The following POLR3A variants were observed in gnomAD, a reference collection of about 807,000 sequenced individuals.
The protein encoded by POLR3A is RNA polymerase III subunit A.
POLR3A carries 112 observed loss-of-function variants against 152.8 expected under a neutral mutation model. The observed-to-expected ratio is 0.73, with a 90% CI of 0.63 to 0.86. The LOEUF (loss-of-function observed/expected upper bound fraction) is 0.86, where lower values mean the gene tolerates loss of function less well. POLR3A is among the 40% of genes least tolerant of loss of function. POLR3A has a pLI of 0.00. For synonymous variants in POLR3A, 615 were observed against 652.1 expected, an observed-to-expected ratio of 0.94 and a Z score of 0.87; for missense variants, 1,385 against 1,743.1, an observed-to-expected ratio of 0.79 and a Z score of 3.66.
chr10:77,991,921 C>T (rs1407089023), intron 20 of POLR3A, among the ~76,000 whole-genome samples: 1 of 152,196 alleles, frequency 6.6e-6, no homozygotes. Context: ...TGTATTTGAA[C>T]TATCCTCTAC....
chr10:77,991,021 T>C, intron 21 of POLR3A, 33 bp downstream of exon 21: 1 of 1,196,458 alleles, frequency 8.4e-7, no homozygotes, highest in Non-Finnish European at 1.2e-6. Flanking sequence ...ACAGCCAGGC[T>C]GGGTGCAGTA....
Position 78,010,536 on chromosome 10 carries a change from T to C in POLR3A, c.1577A>G (p.Lys526Arg). The change falls in exon 12 of 31, where the codon AAA (lysine) becomes AGA (arginine). Residue 526 changes from lysine (K) to arginine (R), a missense_variant. Physicochemically the swap from Lys to Arg is conservative, Grantham distance 26. Around this residue, in one of 7 missense-constraint regions of POLR3A, gnomAD observed 188 missense variants for 179.9 expected, o/e 1.04. Transcript: ENST00000372371. ...KAEALVLMGT[K>R]ANLVTPRNGE... ...ATTCCTCGGGGTTACAAGATTTGCT[T>C]TAGTCTGTAGGAAAAGTAAGCGCAG... 6.2e-7 allele frequency: 1 copy of C among 1,613,724 alleles called. No homozygotes were observed. The highest frequency in any genetic ancestry group is 8.5e-7 in the Non-Finnish European group (1 of 1,179,630).
At chr10:77,997,746 C>T (rs12244708) in intron 19 of POLR3A, among the ~76,000 whole-genome samples, 18,430 of 150,574 alleles carry the variant, frequency 0.12, 2,227 homozygotes, top group African/African-American at 0.3. Context: ...AATTTATAGA[C>T]TCAATGCCAT....
intron 21 of POLR3A, among the ~76,000 whole-genome samples, chr10:77,988,820 TG>T (rs902477812): frequency 1.3e-5 from 2 of 152,196 alleles, no homozygotes; most frequent in Non-Finnish European, 2.9e-5. Context: ...AAAGCCCTCT[TG>T]GCCCAGATGT....
At chr10:77,999,523 G>A (rs1847334989) in intron 19 of POLR3A, among the ~76,000 whole-genome samples, 1 of 152,152 alleles carries the variant, frequency 6.6e-6, no homozygotes, top group Admixed American at 6.5e-5. Flanking sequence ...TACACTCTCT[G>A]AGGAAATGCT....
intron 5 of POLR3A, 80 bp downstream of exon 5, chr10:78,024,469 G>A (rs1284782227): frequency 1.6e-5 from 23 of 1,467,058 alleles, no homozygotes; most frequent in Non-Finnish European, 2.2e-5. Context: ...GGGCGGAGTT[G>A]GGGGAGAGAG....
chr10:77,982,118 C>G lies in POLR3A; in HGVS notation c.3759+36G>C, dbSNP rs145084873. 32,471 of 1,597,686 alleles carry G rather than the reference C, an allele frequency of 0.02. 428 individuals carry two copies. The highest frequency in any genetic ancestry group is 0.023 in the Non-Finnish European group (26,583 of 1,167,924). ...CCTGCAGATGGCACAAGGAAGACAGCCTAACCCTAAGGCGACCCCGTGGGC... is the reference window on the plus strand; with the variant it reads ...CCTGCAGATGGCACAAGGAAGACAGGCTAACCCTAAGGCGACCCCGTGGGC... On this transcript the variant is annotated intron_variant, in intron 28 of 30. Coordinates refer to ENST00000372371, the MANE Select transcript of POLR3A (RefSeq NM_007055.4).
chr10:77,999,881 A>G, intron 19 of POLR3A, 100 bp downstream of exon 19: 7 of 1,177,476 alleles, frequency 5.9e-6, no homozygotes, highest in Non-Finnish European at 7.6e-6. Context: ...ACCCAAGACT[A>G]GATAAATTAC....
chr10:77,988,166 GGCCCACGGAGGGTGACCCT>G (rs1481737994), intron 21 of POLR3A, among the ~76,000 whole-genome samples: 2 of 152,166 alleles, frequency 1.3e-5, no homozygotes, highest in African/African-American at 4.8e-5. Flanking sequence ...AAAGTGCAGA[GGCCCACGGAGGGTGACCCT>G]GCAGCCCAAT....
rs141508352 is a variant in POLR3A, at chr10:78,002,583, G to A, written c.2248-275C>T. The stretch of plus-strand genomic sequence containing the variant: ...ATCTCACTCTGTTGCTGAGGTTGGT[G>A]TACAATGGCATAATCACAGCTCACT... On this transcript the variant is annotated intron_variant, in intron 16 of 30. Transcript: ENST00000372371. Among the ~76,000 whole-genome samples the A allele has an allele frequency of 6.0e-3, 917 of 152,222 alleles. 9 individuals are homozygous for A. Among genetic ancestry groups the A allele is most frequent in the African/African-American group, 0.021 (880 of 41,548 alleles).
intron 20 of POLR3A, among the ~76,000 whole-genome samples, chr10:77,992,608 A>G (rs762359134): frequency 2.0e-4 from 30 of 151,446 alleles, no homozygotes; most frequent in Non-Finnish European, 4.1e-4. Context: ...ACACCCAGCT[A>G]ATTTTTGTAT....
rs1028376384 is a variant in POLR3A, at chr10:78,029,513, T to C, written c.-106A>G. 3.6e-6 allele frequency: 4 copies of C among 1,105,334 alleles called. No homozygotes were observed. Among genetic ancestry groups the C allele is most frequent in the Admixed American group, 3.6e-5 (2 of 55,262 alleles). 68.5% of individuals were successfully genotyped at this position (1,105,334 alleles called of 1,614,324 possible). A position where few individuals can be genotyped will look rare whatever the true frequency, so the allele number is the denominator to read the frequency against. The stretch of plus-strand genomic sequence containing the variant: ...CTTCTGGACTCGCCGCTAACACATC[T>C]GCGGCATCCTCTCGGCCACCGTAGA... On this transcript the variant is annotated 5_prime_UTR_variant, in exon 1 of 31. Transcript: ENST00000372371.
At position 77,983,982 on chromosome 10, in the gene POLR3A, G is replaced by T; in HGVS notation, c.3367C>A (p.Pro1123Thr). 1 of 1,612,258 alleles carries T rather than the reference G, an allele frequency of 6.2e-7. No homozygotes were observed. The highest frequency in any genetic ancestry group is 1.1e-5 in the South Asian group (1 of 91,018). The change falls in exon 26 of 31, where the codon CCT becomes ACT. Residue 1123 changes from proline to threonine, a missense_variant. Physicochemically the swap from Pro to Thr is conservative, Grantham distance 38 (BLOSUM62 -1). Around this residue, in one of 7 missense-constraint regions of POLR3A, gnomAD observed 332 missense variants for 400.1 expected, o/e 0.83. Transcript: ENST00000372371. ...TTGACGAGAATAAAGCAGTCATCAG[G>T]AAGAAACACTTCTTCAATATACTCG... ...ISEYIEEVFLPDDCFILVKLS... is the reference protein window; with the variant it reads ...ISEYIEEVFLTDDCFILVKLS...
chr10:77,985,157 T>G lies in POLR3A; in HGVS notation c.3242+13A>C. ...AGGCATGTGTGGAACAAGAAGGAAA[T>G]GAAAGCAGGCACCTGATGGCCTTGG... On this transcript the variant is annotated intron_variant, in intron 24 of 30. Coordinates refer to ENST00000372371, the MANE Select transcript of POLR3A (RefSeq NM_007055.4). 1 of 1,610,550 alleles carries G rather than the reference T, an allele frequency of 6.2e-7. No individual in the cohort carries two copies. Among genetic ancestry groups the G allele is most frequent in the South Asian group, 1.1e-5 (1 of 91,004 alleles).
At chr10:77,996,687 A>G (rs998142321) in intron 19 of POLR3A, among the ~76,000 whole-genome samples, 1 of 152,102 alleles carries the variant, frequency 6.6e-6, no homozygotes, top group Admixed American at 6.5e-5. Flanking sequence ...ACCAACCAAA[A>G]AAAGTCCAGG....
rs377422180 is a variant in POLR3A, at chr10:78,029,354, T to C, written c.44+10A>G. 4 of 1,613,912 alleles carry C rather than the reference T, an allele frequency of 2.5e-6. No individual in the cohort carries two copies. The African/African-American group carries it at 5.3e-5, about 22-fold the overall frequency. Reference sequence around the variant, plus strand: ...TTCTCAGCCCTTTGGCCACTCTTACTCCGTCTTACATTTTCTTGGCCACAT... The same window carrying C: ...TTCTCAGCCCTTTGGCCACTCTTACCCCGTCTTACATTTTCTTGGCCACAT... On this transcript the variant is annotated intron_variant, in intron 1 of 30. Coordinates refer to ENST00000372371, the MANE Select transcript of POLR3A (RefSeq NM_007055.4).
chr10:78,003,000 G>A (rs192423446), intron 16 of POLR3A, among the ~76,000 whole-genome samples: 2 of 152,334 alleles, frequency 1.3e-5, no homozygotes, highest in Non-Finnish European at 2.9e-5. Context: ...AGAATTGCCT[G>A]TACTATTTGT....
intron 10 of POLR3A, among the ~76,000 whole-genome samples, chr10:78,014,453 G>A (rs11002372): frequency 0.085 from 12,894 of 152,142 alleles, 1,746 homozygotes; most frequent in African/African-American, 0.29. Flanking sequence ...GTCTCACTCT[G>A]TTGTCCTGGC....
chr10:77,993,103 TTTA>T, intron 20 of POLR3A, 91 bp downstream of exon 20: 1 of 926,514 alleles, frequency 1.1e-6, no homozygotes, highest in Non-Finnish European at 1.8e-6. Context: ...TACTGAAGTA[TTTA>T]TTAACTGCAA....
Sources: allele counts gnomAD v4.1 joint callset (sites outside exome capture counted in the v4.1 genomes callset), GRCh38; gene constraint gnomAD v4.1.1; regional missense constraint gnomAD v4.1.1; transcripts MANE v1.5; gene names NCBI Gene and HGNC (gene_info 2026-07-23, HGNC 2026-07-21).